Variants in APLP2 observed in about 807,000 individuals in gnomAD.
APLP2 encodes amyloid beta precursor like protein 2.
APLP2 carries 53 observed loss-of-function variants against 89.9 expected under a neutral mutation model. That is an observed-to-expected ratio of 0.59 (90% confidence interval 0.47 to 0.74). APLP2 has a LOEUF of 0.74. Among genes scored for constraint, APLP2 ranks in the 30% least tolerant of loss-of-function variants. The pLI is 0.00. For missense variants in APLP2, 973 were observed against 975.9 expected (o/e 1.00, Z 0.04); for synonymous variants, 372 against 348.6 (o/e 1.07, Z -0.75).
chr11:130,085,906 C>T (rs1014036548), intron 1 of APLP2, among the ~76,000 whole-genome samples: 5 of 152,150 alleles, frequency 3.3e-5, no homozygotes, highest in Admixed American at 6.5e-5. Flanking sequence ...AGTAATATTC[C>T]ATTGTGCATA....
chr11:130,141,900 C>A lies in APLP2; in HGVS notation c.1999-19C>A, dbSNP rs12281492. Reference sequence around the variant, plus strand: ...AGATGGTCACTGGGACTTTTTTCCACGTCTGCTTTATTACGTAGGAATCCG... The same window carrying A: ...AGATGGTCACTGGGACTTTTTTCCAAGTCTGCTTTATTACGTAGGAATCCG... On this transcript the variant is annotated intron_variant, in intron 15 of 16. Coordinates refer to ENST00000338167, the MANE Select transcript of APLP2 (RefSeq NM_001142276.2). This position sits in a 1 kb window ranked among gnomAD's most constrained non-coding sequence, Gnocchi z 4.2. The A allele has an allele frequency of 1.3e-6, 2 of 1,585,156 alleles. No individual in the cohort carries two copies. The highest frequency in any genetic ancestry group is 1.7e-5 in the Admixed American group (1 of 58,560).
Position 130,122,422 on chromosome 11 carries a change from C to T in APLP2, c.831C>T (p.Thr277=), listed in dbSNP as rs1232433740. 7 of 1,614,014 alleles carry T rather than the reference C, an allele frequency of 4.3e-6. No individual in the cohort carries two copies. The highest frequency in any genetic ancestry group is 5.9e-6 in the Non-Finnish European group (7 of 1,180,018). ...VVEDRDYYYD[T]FKGDDYNEEN... is the part of the protein sequence containing the mutation. ...AGGACCGAGATTACTACTATGACAC[C>T]TTCAAAGGAGATGACTACAATGAGG... Residue 277 remains threonine, a synonymous_variant, in exon 6 of 17, where the codon ACC becomes ACT. Transcript: ENST00000338167.
At position 130,109,474 on chromosome 11, in the gene APLP2, C is replaced by G. The variant is rs199605072; in HGVS notation, c.151C>G (p.Gln51Glu). The G allele has an allele frequency of 2.7e-5, 43 of 1,613,674 alleles. No individual in the cohort carries two copies. The East Asian group carries it at 3.6e-4, about 13-fold the overall frequency. The change falls in exon 2 of 17, where the codon CAA (glutamine) becomes GAA (glutamate). Residue 51 changes from glutamine to glutamate, a missense_variant. Physicochemically the swap from Gln to Glu is conservative, Grantham distance 29. Transcript: ENST00000338167. ...AACAGGATTTGCTGTTGCTGAGCCT[C>G]AAATCGCAATGTTTTGTGGGAAGTT... ...AGTGFAVAEP[Q>E]IAMFCGKLNM... is the part of the protein sequence containing the mutation.
chr11:130,104,252 C>T (rs529489214), intron 1 of APLP2, among the ~76,000 whole-genome samples: 2 of 109,124 alleles, frequency 1.8e-5, no homozygotes, highest in Non-Finnish European at 3.3e-5. Context: ...TTCTCTGTCT[C>T]TGTTGCCCAG....
intron 8 of APLP2, among the ~76,000 whole-genome samples, chr11:130,127,159 C>T (rs1045624261): frequency 6.6e-6 from 1 of 151,188 alleles, no homozygotes; most frequent in South Asian, 2.1e-4. Context: ...AAGCTAGTAC[C>T]ATTTGCCGTG....
intron 1 of APLP2, among the ~76,000 whole-genome samples, chr11:130,097,801 A>G (rs1478550763): frequency 6.6e-6 from 1 of 152,246 alleles, no homozygotes; most frequent in Non-Finnish European, 1.5e-5. Context: ...CTTGGTTAAT[A>G]TTACAGAAGA....
chr11:130,128,142 C>A (rs1319532713), intron 9 of APLP2, among the ~76,000 whole-genome samples: 2 of 152,200 alleles, frequency 1.3e-5, no homozygotes, highest in African/African-American at 4.8e-5. Flanking sequence ...TAGACTGTGA[C>A]TTGTTTTTCA....
intron 7 of APLP2, among the ~76,000 whole-genome samples, chr11:130,124,167 A>G (rs1238147278): frequency 6.6e-6 from 1 of 152,152 alleles, no homozygotes; most frequent in Non-Finnish European, 1.5e-5. Flanking sequence ...GGCACTGAAC[A>G]TTCCTGTCTT....
At chr11:130,126,888 C>G (rs1950428989) in intron 8 of APLP2, 58 bp downstream of exon 8, 6 of 1,601,764 alleles carry the variant, frequency 3.7e-6, no homozygotes, top group Non-Finnish European at 3.4e-6. Flanking sequence ...GCATGGTTCT[C>G]ATAGCTGAAG....
intron 1 of APLP2, among the ~76,000 whole-genome samples, chr11:130,107,960 T>G (rs1285940946): frequency 5.3e-5 from 8 of 152,092 alleles, no homozygotes; most frequent in African/African-American, 1.7e-4. Flanking sequence ...AACAAGAAAT[T>G]GGGAAAGGAT....
At chr11:130,090,660 C>T (rs1565559145) in intron 1 of APLP2, among the ~76,000 whole-genome samples, 2 of 152,124 alleles carry the variant, frequency 1.3e-5, no homozygotes, top group African/African-American at 4.8e-5. Flanking sequence ...CCCATGTCTA[C>T]TTCTTTCTAC....
Position 130,140,464 on chromosome 11 carries a change from A to G in APLP2, c.1904A>G (p.Asn635Ser), listed in dbSNP as rs781202994. ...GAEEKVINSK[N>S]KVDENMVIDE... ...GAAGAGAAAGTGATTAACAGTAAGA[A>G]TAAAGTGGATGAAAACATGGTGAGC... The change falls in exon 14 of 17, where the codon AAT (asparagine) becomes AGT (serine). Residue 635 changes from asparagine (N) to serine (S), a missense_variant. By Grantham distance (46) the Asn-to-Ser change is conservative. Coordinates refer to ENST00000338167, the MANE Select transcript of APLP2 (RefSeq NM_001142276.2). 8.1e-6 allele frequency: 13 copies of G among 1,611,274 alleles called. No homozygotes were observed. In the African/African-American group the frequency reaches 1.6e-4, roughly 20 times the overall value.
intron 1 of APLP2, among the ~76,000 whole-genome samples, chr11:130,104,347 T>C (rs1417455968): frequency 6.6e-6 from 1 of 151,028 alleles, no homozygotes. Context: ...GCCTCCCAAG[T>C]AGCTAGGACC....
intron 1 of APLP2, among the ~76,000 whole-genome samples, chr11:130,085,207 T>C (rs1368794704): frequency 6.6e-6 from 1 of 152,198 alleles, no homozygotes; most frequent in African/African-American, 2.4e-5. Flanking sequence ...CCCAGCACTT[T>C]GGGAGGCCGA....
At chr11:130,071,065 G>C (rs1940973833) in intron 1 of APLP2, among the ~76,000 whole-genome samples, 1 of 152,224 alleles carries the variant, frequency 6.6e-6, no homozygotes, top group Non-Finnish European at 1.5e-5. Flanking sequence ...TTGAACTGCT[G>C]GTCTGGAATG....
At chr11:130,099,282 T>C (rs1368435008) in intron 1 of APLP2, among the ~76,000 whole-genome samples, 2 of 152,186 alleles carry the variant, frequency 1.3e-5, no homozygotes, top group African/African-American at 4.8e-5. Flanking sequence ...TTTAGGAAAA[T>C]AGAGTTCCAT....
intron 3 of APLP2, among the ~76,000 whole-genome samples, chr11:130,111,156 G>A (rs1948505056): frequency 6.6e-6 from 1 of 152,162 alleles, no homozygotes; most frequent in African/African-American, 2.4e-5. Context: ...CCATTCTGAA[G>A]GGTTTGGGGC....
chr11:130,100,029 T>C (rs939435879), intron 1 of APLP2, among the ~76,000 whole-genome samples: 1 of 152,266 alleles, frequency 6.6e-6, no homozygotes, highest in African/African-American at 2.4e-5. Context: ...TCCCAATGCT[T>C]GAAGAGCGCT....
chr11:130,086,574 T>TTTAAGAAATTAAAA (rs1353144388), intron 1 of APLP2, among the ~76,000 whole-genome samples: 1 of 152,256 alleles, frequency 6.6e-6, no homozygotes, highest in Admixed American at 6.5e-5. Flanking sequence ...TGGTGTCATT[T>TTTAAGAAATTAAAA]TTAAGAAATC....
Sources: gnomAD v4.1 joint callset for allele counts (sites outside exome capture counted in the v4.1 genomes callset) on GRCh38, gnomAD v4.1.1 for gene constraint, Gnocchi (gnomAD v3.1) non-coding constraint, MANE v1.5 for transcripts, NCBI Gene and HGNC (gene_info 2026-07-23, HGNC 2026-07-21) for gene names.